GSAP: variants seen among roughly 807,000 people sequenced by gnomAD.
GSAP encodes gamma-secretase-activating protein.
A neutral mutation model predicts 131.7 loss-of-function variants in GSAP; 118 were observed. The ratio of observed to expected loss-of-function variants is 0.90; its 90% confidence interval spans 0.77 to 1.04. The LOEUF is 1.04. GSAP is among the 50% of genes least tolerant of loss of function. The pLI is 0.00. For missense variants in GSAP, 1,019 were observed against 1,013.2 expected, an observed-to-expected ratio of 1.01 and a Z score of -0.08; for synonymous variants, 381 against 363.4, an observed-to-expected ratio of 1.05 and a Z score of -0.55.
At chr7:77,403,859 GGAGAA>G (rs1801799799) in intron 3 of GSAP, among the ~76,000 whole-genome samples, 1 of 152,134 alleles carries the variant, frequency 6.6e-6, no homozygotes, top group Non-Finnish European at 1.5e-5. Context: ...GATCGTTAAG[GGAGAA>G]GAGAAGGAAA....
chr7:77,370,322 A>G (rs1043643245), intron 12 of GSAP, among the ~76,000 whole-genome samples: 2 of 152,132 alleles, frequency 1.3e-5, no homozygotes, highest in Non-Finnish European at 2.9e-5. Flanking sequence ...TTAGCCAGGC[A>G]TGGTGATGTG....
At chr7:77,370,893 GCTA>G (rs1796019722) in intron 12 of GSAP, among the ~76,000 whole-genome samples, 1 of 152,104 alleles carries the variant, frequency 6.6e-6, no homozygotes. Flanking sequence ...TGTGCCTTCA[GCTA>G]CTACAATACC....
At chr7:77,348,431 C>T (rs1225803564) in intron 19 of GSAP, among the ~76,000 whole-genome samples, 6 of 151,876 alleles carry the variant, frequency 4.0e-5, no homozygotes, top group African/African-American at 1.2e-4. Flanking sequence ...ACCTGGCCCC[C>T]GATCTACCCT....
At chr7:77,362,720 C>A in intron 12 of GSAP, 60 bp from the exon 13 acceptor site, 1 of 961,840 alleles carries the variant, frequency 1.0e-6, no homozygotes, top group East Asian at 2.4e-5. Context: ...ATAAAGTTTC[C>A]TAAACCACTT....
chr7:77,400,977 TCAA>T, intron 3 of GSAP, among the ~76,000 whole-genome samples: 1 of 148,146 alleles, frequency 6.8e-6, no homozygotes, highest in Non-Finnish European at 1.5e-5. Context: ...ATGGGTAGGC[TCAA>T]CAACATAGTG....
intron 19 of GSAP, among the ~76,000 whole-genome samples, chr7:77,333,289 G>A (rs1789433847): frequency 6.6e-6 from 1 of 152,196 alleles, no homozygotes; most frequent in African/African-American, 2.4e-5. Flanking sequence ...GATATTCCAG[G>A]TGGGACTCTT....
At chr7:77,353,875 G>A (rs186166973) in intron 16 of GSAP, among the ~76,000 whole-genome samples, 1 of 152,234 alleles carries the variant, frequency 6.6e-6, no homozygotes, top group East Asian at 1.9e-4. Context: ...CTCCTTGGCT[G>A]GAAACCAAAT....
chr7:77,351,105 TATC>T, intron 18 of GSAP: 1 of 972,256 alleles, frequency 1.0e-6, no homozygotes. Flanking sequence ...TAAAAAAGGG[TATC>T]ATGGGGACAG....
At chr7:77,347,113 G>A (rs1445407178) in intron 19 of GSAP, among the ~76,000 whole-genome samples, 3 of 152,126 alleles carry the variant, frequency 2.0e-5, no homozygotes, top group African/African-American at 4.8e-5. Flanking sequence ...GTGGTGAATC[G>A]AAAGAGGGCA....
intron 18 of GSAP, among the ~76,000 whole-genome samples, chr7:77,349,827 T>G (rs1374124207): frequency 6.6e-6 from 1 of 152,176 alleles, no homozygotes; most frequent in African/African-American, 2.4e-5. Context: ...CCTACCTCAC[T>G]AGAAGGAATC....
At position 77,328,643 on chromosome 7, in the gene GSAP, A is replaced by G. The variant is rs777075989; in HGVS notation, c.1734-6T>C. On this transcript the variant is annotated splice_region_variant and splice_polypyrimidine_tract_variant and intron_variant, in intron 21 of 30. Coordinates refer to ENST00000257626, the MANE Select transcript of GSAP (RefSeq NM_017439.4). ...CTTCTAGGTTAGAAATCACCCTACG[A>G]AGAAATTAGCCATGTTATTCACAGA... 4 of 1,546,974 alleles carry G rather than the reference A, an allele frequency of 2.6e-6. No homozygotes were observed. The South Asian group carries it at 4.5e-5, about 17-fold the overall frequency.
intron 19 of GSAP, among the ~76,000 whole-genome samples, chr7:77,335,638 C>CAA (rs35007749): frequency 6.1e-5 from 9 of 146,542 alleles, no homozygotes; most frequent in Non-Finnish European, 9.1e-5. Context: ...CAAAAACAAA[C>CAA]AAAAAAAAAA....
intron 26 of GSAP, chr7:77,315,768 G>C (rs1316624556): frequency 1.3e-5 from 2 of 152,136 alleles, no homozygotes; most frequent in Non-Finnish European, 2.9e-5. Context: ...GATCCAGCTG[G>C]GTTGGAATCA....
In GSAP at chr7:77,387,425, C is replaced by A; in HGVS notation, c.391G>T (p.Val131Phe). 3 of 1,597,382 alleles carry A rather than the reference C, an allele frequency of 1.9e-6. No individual in the cohort carries two copies. The highest frequency in any genetic ancestry group is 2.6e-6 in the Non-Finnish European group (3 of 1,164,920). The change falls in exon 6 of 31, where the codon GTT becomes TTT. Residue 131 changes from valine (V) to phenylalanine (F), a missense_variant. Physicochemically the swap from Val to Phe is conservative, Grantham distance 50. Transcript: ENST00000257626. ...QPGSKCLTLL[V>F]EIHPVNNVKV... ...ACATTGTTAACAGGGTGGATTTCAACCAACAAAGTCAAGCACTTTGATCCT... is the reference window on the plus strand; with the variant it reads ...ACATTGTTAACAGGGTGGATTTCAAACAACAAAGTCAAGCACTTTGATCCT...
intron 19 of GSAP, among the ~76,000 whole-genome samples, chr7:77,332,655 A>T (rs1274383388): frequency 6.6e-6 from 1 of 152,204 alleles, no homozygotes; most frequent in Non-Finnish European, 1.5e-5. Context: ...AAAAGATCTG[A>T]ATTTAAAATA....
chr7:77,328,336 T>C (rs1788604004), intron 22 of GSAP: 2 of 1,213,534 alleles, frequency 1.6e-6, no homozygotes, highest in Non-Finnish European at 2.1e-6. Context: ...AGGGCAGCTC[T>C]GTATGACAGG....
At chr7:77,320,416 T>C (rs1011180820) in intron 26 of GSAP, among the ~76,000 whole-genome samples, 2 of 152,166 alleles carry the variant, frequency 1.3e-5, no homozygotes, top group African/African-American at 4.8e-5. Flanking sequence ...CTCAATCAGA[T>C]AAACTAGGCC....
At chr7:77,324,203 G>A (rs1788019312) in intron 23 of GSAP, among the ~76,000 whole-genome samples, 1 of 152,118 alleles carries the variant, frequency 6.6e-6, no homozygotes, top group African/African-American at 2.4e-5. Flanking sequence ...GAAATAATCA[G>A]GTACTTCCCT....
intron 12 of GSAP, among the ~76,000 whole-genome samples, chr7:77,367,158 G>C (rs540612652): frequency 6.6e-6 from 1 of 152,156 alleles, no homozygotes; most frequent in Non-Finnish European, 1.5e-5. Flanking sequence ...GAATCATGCC[G>C]TATGCAAACA....
Sources: gnomAD v4.1 joint callset for allele counts (sites outside exome capture counted in the v4.1 genomes callset) on GRCh38, gnomAD v4.1.1 for gene constraint, MANE v1.5 for transcripts, NCBI Gene and HGNC (gene_info 2026-07-23, HGNC 2026-07-21) for gene names.